Variants in ADAMTSL1 observed in about 807,000 individuals in gnomAD.
ADAMTSL1 encodes ADAMTS-like protein 1.
A neutral mutation model predicts 201.8 loss-of-function variants in ADAMTSL1; 126 were observed. The ratio of observed to expected loss-of-function variants is 0.62; its 90% CI spans 0.54 to 0.72. The LOEUF is 0.72. Ranked by LOEUF, ADAMTSL1 falls within the 30% of genes least tolerant of loss-of-function variation. ADAMTSL1 has a pLI of 0.00. For missense variants in ADAMTSL1, 2,679 were observed against 2,277.8 expected, an observed-to-expected ratio of 1.18 and a Z score of -3.59; for synonymous variants, 1,121 against 903.4, an observed-to-expected ratio of 1.24 and a Z score of -4.32.
At chr9:18,353,719 A>G (rs1836081004) in intron 2 of ADAMTSL1, among the ~76,000 whole-genome samples, 1 of 152,136 alleles carries the variant, frequency 6.6e-6, no homozygotes, top group South Asian at 2.1e-4. Context: ...AGTCATAGTC[A>G]TATCTTCTGT....
intron 1 of ADAMTSL1, among the ~76,000 whole-genome samples, chr9:17,989,543 A>G (rs1346739751): frequency 6.6e-6 from 1 of 152,040 alleles, no homozygotes; most frequent in Non-Finnish European, 1.5e-5. Context: ...CTTTAAATGA[A>G]TTTATTTCAA....
intron 2 of ADAMTSL1, among the ~76,000 whole-genome samples, chr9:18,373,790 G>A (rs1026215113): frequency 1.3e-5 from 2 of 152,136 alleles, no homozygotes; most frequent in Non-Finnish European, 2.9e-5. Flanking sequence ...CCCTACTTTG[G>A]TCTTTCCTGC....
At chr9:18,067,471 A>G (rs932386255) in intron 1 of ADAMTSL1, among the ~76,000 whole-genome samples, 1 of 151,858 alleles carries the variant, frequency 6.6e-6, no homozygotes, top group Non-Finnish European at 1.5e-5. Context: ...AATGCCACAT[A>G]CCACATTGAA....
At chr9:18,501,325 A>G (rs1822828991) in intron 1 of ADAMTSL1, among the ~76,000 whole-genome samples, 1 of 152,100 alleles carries the variant, frequency 6.6e-6, no homozygotes, top group Admixed American at 6.5e-5. Flanking sequence ...AGCTTGGGCA[A>G]CATAGCGAAA....
chr9:17,983,074 TTC>T lies in ADAMTSL1; in HGVS notation c.87+76154_87+76155del, dbSNP rs1342296095. On this transcript the variant is annotated intron_variant, in intron 1 of 29. Transcript: ENST00000680146. The stretch of plus-strand genomic sequence containing the variant: ...CTTTTTCTTTTCTTTCTTTCTTTCT[TTC>T]TTTTTTTTTTTTGAGACTGAATCTT... 2.7e-4 allele frequency among the ~76,000 whole-genome samples: 34 copies of T among 126,722 alleles called. 3 individuals carry two copies. The highest frequency in any genetic ancestry group is 5.2e-4 in the African/African-American group (18 of 34,586). The allele number at this position is 126,722 out of a possible 152,430, so 83.1% of individuals were successfully genotyped here.
At chr9:18,273,311 C>T (rs1362690554) in intron 2 of ADAMTSL1, among the ~76,000 whole-genome samples, 1 of 151,740 alleles carries the variant, frequency 6.6e-6, no homozygotes, top group Non-Finnish European at 1.5e-5. Context: ...AAACTCCCAA[C>T]CTCAAGTGAT....
intron 26 of ADAMTSL1, among the ~76,000 whole-genome samples, chr9:18,903,154 G>A (rs1422619392): frequency 6.6e-6 from 1 of 152,076 alleles, no homozygotes; most frequent in African/African-American, 2.4e-5. Context: ...GCAGTGAGCA[G>A]AGATCACACC....
intron 7 of ADAMTSL1, among the ~76,000 whole-genome samples, chr9:18,648,961 T>C (rs1205900637): frequency 6.6e-6 from 1 of 152,236 alleles, no homozygotes; most frequent in Non-Finnish European, 1.5e-5. Context: ...GAAGTTCTCC[T>C]GGATAATATC....
chr9:18,124,712 T>G (rs1200298506), intron 1 of ADAMTSL1, among the ~76,000 whole-genome samples: 5 of 152,162 alleles, frequency 3.3e-5, no homozygotes, highest in African/African-American at 1.2e-4. Flanking sequence ...CAAGATGATT[T>G]CATTGAGAGA....
At chr9:18,543,452 C>T (rs976696663) in intron 3 of ADAMTSL1, among the ~76,000 whole-genome samples, 1 of 152,102 alleles carries the variant, frequency 6.6e-6, no homozygotes, top group African/African-American at 2.4e-5. Flanking sequence ...CCCCTATCCA[C>T]CCTGTGATAA....
chr9:17,971,115 G>T (rs60584739), intron 1 of ADAMTSL1, among the ~76,000 whole-genome samples: 5,190 of 152,086 alleles, frequency 0.034, 116 homozygotes, highest in Middle Eastern at 0.071. Context: ...TGGCCTTAAT[G>T]CTGTTTGTTT....
chr9:17,912,897 T>C (rs1825943096), intron 1 of ADAMTSL1, among the ~76,000 whole-genome samples: 1 of 152,072 alleles, frequency 6.6e-6, no homozygotes, highest in African/African-American at 2.4e-5. Context: ...TTCAGCTTTC[T>C]ACATATGGCT....
At chr9:18,888,521 C>T (rs1276758239) in intron 24 of ADAMTSL1, among the ~76,000 whole-genome samples, 2 of 152,170 alleles carry the variant, frequency 1.3e-5, no homozygotes, top group Admixed American at 6.5e-5. Context: ...TTTCATTTGG[C>T]CCTGGCAAAG....
At chr9:18,369,619 A>T (rs1385245246) in intron 2 of ADAMTSL1, among the ~76,000 whole-genome samples, 2 of 152,208 alleles carry the variant, frequency 1.3e-5, no homozygotes, top group East Asian at 3.8e-4. Flanking sequence ...CATCTATCCT[A>T]CTACTGTGTA....
intron 1 of ADAMTSL1, among the ~76,000 whole-genome samples, chr9:18,125,526 A>G (rs1825696483): frequency 6.6e-6 from 1 of 152,122 alleles, no homozygotes; most frequent in African/African-American, 2.4e-5. Flanking sequence ...AAATTTATAC[A>G]TATGTTTTCT....
intron 23 of ADAMTSL1, among the ~76,000 whole-genome samples, chr9:18,858,307 G>A (rs1826995776): frequency 2.0e-5 from 3 of 151,970 alleles, no homozygotes; most frequent in Non-Finnish European, 4.4e-5. Flanking sequence ...CCCCCACACA[G>A]ATGCTGTCCT....
chr9:18,673,273 A>G (rs1367823690), intron 9 of ADAMTSL1, among the ~76,000 whole-genome samples: 1 of 152,150 alleles, frequency 6.6e-6, no homozygotes, highest in East Asian at 1.9e-4. Flanking sequence ...AGTTAACTTC[A>G]GGCAAGCTTG....
At chr9:18,686,232 A>G (rs759351707) in intron 13 of ADAMTSL1, among the ~76,000 whole-genome samples, 3 of 152,164 alleles carry the variant, frequency 2.0e-5, no homozygotes, top group African/African-American at 7.2e-5. Context: ...GGGAAAACAC[A>G]TATTTTTACT....
rs912582846 is a variant in ADAMTSL1 at position 18,639,554 on chromosome 9, T to C, written c.834+143T>C. On this transcript the variant is annotated intron_variant, in intron 7 of 28. Transcript: ENST00000380548. ...CCAGGAAATGTTTAATCTGAGGGTG[T>C]TGAGCTAGCTGCATCCTGGACCTTA... 10 of 896,888 alleles carry C rather than the reference T, an allele frequency of 1.1e-5. No individual in the cohort carries two copies. In the African/African-American group the frequency reaches 1.7e-4, roughly 15 times the overall value. The allele number at this position is 896,888 out of a possible 1,614,324, so 55.6% of individuals were successfully genotyped here. A position where few individuals can be genotyped will look rare whatever the true frequency, so the allele number is the denominator to read the frequency against.
Sources: gnomAD v4.1 joint callset for allele counts (sites outside exome capture counted in the v4.1 genomes callset) on GRCh38, gnomAD v4.1.1 for gene constraint, MANE v1.5 for transcripts, NCBI Gene and HGNC (gene_info 2026-07-23, HGNC 2026-07-21) for gene names.